Variants in AFF1 observed in about 807,000 individuals in gnomAD.
AFF1 encodes the protein AF4/FMR2 family member 1.
A neutral mutation model predicts 121.7 loss-of-function variants in AFF1; 48 were observed. The observed-to-expected ratio is 0.39, with a 90% confidence interval of 0.31 to 0.50. The LOEUF (loss-of-function observed/expected upper bound fraction) is 0.50. Among genes scored for constraint, AFF1 ranks in the 20% least tolerant of loss-of-function variants. The probability of loss-of-function intolerance (pLI) is 0.76; values close to 1 mark genes in which losing one functional copy is unlikely to be tolerated. For synonymous variants in AFF1, 613 were observed against 563.0 expected (o/e 1.09, Z -1.26); for missense variants, 1,523 against 1,511.7 (o/e 1.01, Z -0.12).
rs184146460 is a variant in AFF1 at position 87,073,268 on chromosome 4, C to T, written c.1060-10852C>T. Among the ~76,000 whole-genome samples, 9 of 112,346 alleles carry T rather than the reference C, an allele frequency of 8.0e-5. No homozygotes were observed. The East Asian group carries it at 2.1e-3, about 26-fold the overall frequency. The allele number at this position is 112,346 out of a possible 152,430, so 73.7% of individuals were successfully genotyped here. ...GTAATTAACCTGATTGCTCATTACC[C>T]AGCATTAAAGCCAAAAAAAAAAAAA... On this transcript the variant is annotated intron_variant, in intron 4 of 20. Coordinates refer to ENST00000395146, the MANE Select transcript of AFF1 (RefSeq NM_001166693.3).
Position 87,126,056 on chromosome 4 carries a change from T to C in AFF1, c.2574-43T>C, listed in dbSNP as rs1231439323. The C allele has an allele frequency of 7.6e-6, 12 of 1,578,152 alleles. No homozygotes were observed. The African/African-American group carries it at 1.3e-4, about 18-fold the overall frequency. On this transcript the variant is annotated intron_variant, in intron 13 of 20. Coordinates refer to ENST00000395146, the MANE Select transcript of AFF1 (RefSeq NM_001166693.3). ...AACTAAACAACGAAGCCGCTTGATG[T>C]GTACTTTGCCTCCTCTTAGTTTTAC...
Position 87,135,721 on chromosome 4 carries a change from A to G in AFF1, c.*20A>G. The G allele has an allele frequency of 6.2e-7, 1 of 1,606,204 alleles. No individual in the cohort carries two copies. Among genetic ancestry groups the G allele is most frequent in the Non-Finnish European group, 8.5e-7 (1 of 1,176,154 alleles). ...CCTTAATGGAGCCCCAGGTTGATTC[A>G]ATGCCTTGGGAACTATTTTTGCACA... On this transcript the variant is annotated 3_prime_UTR_variant, in exon 21 of 21. Coordinates refer to ENST00000395146, the MANE Select transcript of AFF1 (RefSeq NM_001166693.3).
chr4:87,078,697 G>A (rs1479520526), intron 4 of AFF1, among the ~76,000 whole-genome samples: 1 of 152,182 alleles, frequency 6.6e-6, no homozygotes. Flanking sequence ...TAGCGAGTTG[G>A]GGGTAGATGA....
intron 2 of AFF1, among the ~76,000 whole-genome samples, chr4:86,977,383 C>T (rs1723382114): frequency 2.0e-5 from 3 of 152,106 alleles, no homozygotes; most frequent in Admixed American, 6.5e-5. Flanking sequence ...TTATGAATTG[C>T]TTATTTGTGG....
At chr4:87,075,541 CCTTT>C (rs1163032185) in intron 4 of AFF1, among the ~76,000 whole-genome samples, 1 of 152,166 alleles carries the variant, frequency 6.6e-6, no homozygotes, top group African/African-American at 2.4e-5. Flanking sequence ...GTACGTACAT[CCTTT>C]CTTTACCCAA....
chr4:87,057,186 G>A (rs907485172), intron 4 of AFF1, among the ~76,000 whole-genome samples: 2 of 152,170 alleles, frequency 1.3e-5, no homozygotes, highest in African/African-American at 4.8e-5. Flanking sequence ...AGCAAGACAC[G>A]GAGGGAAATC....
At chr4:86,947,815 G>GT (rs1434210863) in intron 1 of AFF1, among the ~76,000 whole-genome samples, 2 of 58,244 alleles carry the variant, frequency 3.4e-5, no homozygotes, top group Non-Finnish European at 4.9e-5. Context: ...TTCGGTTTTT[G>GT]TTTGTTTTTT....
intron 4 of AFF1, among the ~76,000 whole-genome samples, chr4:87,071,215 A>G (rs1722019059): frequency 6.7e-6 from 1 of 149,574 alleles, no homozygotes; most frequent in African/African-American, 2.5e-5. Flanking sequence ...AGGTTAGTGT[A>G]GGAAAAAAAA....
chr4:87,011,310 G>A (rs893101445), intron 2 of AFF1, among the ~76,000 whole-genome samples: 1 of 152,086 alleles, frequency 6.6e-6, no homozygotes, highest in Non-Finnish European at 1.5e-5. Flanking sequence ...TTTAACTTTT[G>A]AATTTGTCTA....
At chr4:87,003,388 C>G (rs1725869193) in intron 2 of AFF1, among the ~76,000 whole-genome samples, 1 of 152,162 alleles carries the variant, frequency 6.6e-6, no homozygotes, top group Non-Finnish European at 1.5e-5. Context: ...CTCAGCCTCC[C>G]AAGTAGCTAG....
Position 87,047,606 on chromosome 4 carries a change from TTCTTA to T in AFF1, c.1059+17_1059+21del. On this transcript the variant is annotated intron_variant, in intron 4 of 20. Coordinates refer to ENST00000395146, the MANE Select transcript of AFF1 (RefSeq NM_001166693.3). The stretch of plus-strand genomic sequence containing the variant: ...CTCAGTCAGTTGAGGTGTGTGGAAT[TTCTTA>T]TCTTGGGGAATTCCAATTCGAAGAC... 2 of 1,614,052 alleles carry T rather than the reference TTCTTA, an allele frequency of 1.2e-6. No individual in the cohort carries two copies. The highest frequency in any genetic ancestry group is 8.5e-7 in the Non-Finnish European group (1 of 1,180,014).
intron 8 of AFF1, among the ~76,000 whole-genome samples, chr4:87,101,360 G>T (rs1578250771): frequency 6.6e-6 from 1 of 152,100 alleles, no homozygotes; most frequent in African/African-American, 2.4e-5. Context: ...GACTGCTTGA[G>T]CCTGGGAGTT....
intron 2 of AFF1, among the ~76,000 whole-genome samples, chr4:87,036,029 A>G (rs1487178479): frequency 1.3e-5 from 2 of 152,140 alleles, no homozygotes; most frequent in Non-Finnish European, 2.9e-5. Context: ...TGATCCTAGT[A>G]CAGACCAGAA....
chr4:86,970,362 A>G (rs1197832599), intron 2 of AFF1, among the ~76,000 whole-genome samples: 1 of 152,144 alleles, frequency 6.6e-6, no homozygotes. Flanking sequence ...AAGTGGAAAC[A>G]CTTCCTAGAA....
chr4:86,942,630 T>G (rs1720546169), intron 1 of AFF1, among the ~76,000 whole-genome samples: 1 of 152,224 alleles, frequency 6.6e-6, no homozygotes, highest in African/African-American at 2.4e-5. Context: ...ATTTACCTGC[T>G]TCCTTTAAAG....
In AFF1 at chr4:87,134,663, A is replaced by G; in HGVS notation, c.3504A>G (p.Glu1168=). 6.2e-7 allele frequency: 1 copy of G among 1,614,106 alleles called. No homozygotes were observed. Among genetic ancestry groups the G allele is most frequent in the Non-Finnish European group, 8.5e-7 (1 of 1,179,996 alleles). The change falls in exon 20 of 21, where the codon GAA becomes GAG. Residue 1168 remains glutamate, a synonymous_variant. Coordinates refer to ENST00000395146, the MANE Select transcript of AFF1 (RefSeq NM_001166693.3). ...SHVLTAFDLW[E]QAEALTRKNK... is the part of the protein sequence containing the mutation. ...TTCTTACCGCCTTTGACCTTTGGGA[A>G]CAGGCCGAGGCCCTCACGAGGAAGA...
chr4:86,939,210 C>A (rs1486961467), intron 1 of AFF1, among the ~76,000 whole-genome samples: 2 of 152,112 alleles, frequency 1.3e-5, no homozygotes, highest in African/African-American at 2.4e-5. Context: ...ATCATTTAAG[C>A]CTAATTGTGA....
chr4:87,080,032 AGCT>A, intron 4 of AFF1, among the ~76,000 whole-genome samples: 1 of 152,352 alleles, frequency 6.6e-6, no homozygotes, highest in Admixed American at 6.5e-5. Context: ...TTCAATAAGT[AGCT>A]GCTATCATTT....
At chr4:87,074,146 A>G in intron 4 of AFF1, among the ~76,000 whole-genome samples, 1 of 152,214 alleles carries the variant, frequency 6.6e-6, no homozygotes, top group East Asian at 1.9e-4. Context: ...CTGAAAAAAA[A>G]AAAATTAAAT....
Sources: allele counts gnomAD v4.1 joint callset (sites outside exome capture counted in the v4.1 genomes callset), GRCh38; gene constraint gnomAD v4.1.1; transcripts MANE v1.5; gene names NCBI Gene and HGNC (gene_info 2026-07-23, HGNC 2026-07-21).